The following LCORL variants were observed in gnomAD, a reference collection of about 807,000 sequenced individuals.
LCORL encodes ligand dependent nuclear receptor corepressor like, also known as ligand-dependent nuclear receptor corepressor-like protein.
In LCORL, 41 loss-of-function variants were observed where a neutral mutation model predicts 141.8. The ratio of observed to expected loss-of-function variants is 0.29; its 90% CI spans 0.23 to 0.38. The LOEUF (loss-of-function observed/expected upper bound fraction) is 0.38. Ranked by LOEUF, LCORL falls within the 10% of genes least tolerant of loss-of-function variation. The pLI is 1.00. For synonymous variants in LCORL, 618 were observed against 694.1 expected, an observed-to-expected ratio of 0.89 and a Z score of 1.72; for missense variants, 1,759 against 2,035.0, an observed-to-expected ratio of 0.86 and a Z score of 2.61.
intron 1 of LCORL, among the ~76,000 whole-genome samples, chr4:18,005,206 A>T (rs981473546): frequency 6.6e-6 from 1 of 152,190 alleles, no homozygotes; most frequent in Non-Finnish European, 1.5e-5. Context: ...GGCATGAGCC[A>T]CCACACCTGG....
At chr4:17,898,446 C>A (rs1730326089) in intron 5 of LCORL, among the ~76,000 whole-genome samples, 1 of 152,106 alleles carries the variant, frequency 6.6e-6, no homozygotes, top group Admixed American at 6.6e-5. Context: ...ATAACAAGAT[C>A]TGTTGAGAGC....
intron 1 of LCORL, among the ~76,000 whole-genome samples, chr4:17,990,348 C>T (rs1406544834): frequency 6.6e-6 from 1 of 151,750 alleles, no homozygotes; most frequent in Non-Finnish European, 1.5e-5. Flanking sequence ...ATCCACCCGC[C>T]TCGGCCTGCC....
At chr4:17,911,934 G>T in intron 4 of LCORL, 1 of 560,128 alleles carries the variant, frequency 1.8e-6, no homozygotes, top group Non-Finnish European at 3.4e-6. Flanking sequence ...TGCAAAGTCT[G>T]AATGGCCAGA....
chr4:17,993,643 A>G (rs1021718992), intron 1 of LCORL, among the ~76,000 whole-genome samples: 1 of 152,248 alleles, frequency 6.6e-6, no homozygotes, highest in African/African-American at 2.4e-5. Context: ...ATGTTTTGCC[A>G]AGGAATTAAT....
intron 4 of LCORL, chr4:17,912,756 C>A: frequency 2.4e-6 from 1 of 416,026 alleles, no homozygotes. Flanking sequence ...CAGACCCGGG[C>A]AAAGAGGCAG....
chr4:17,939,959 C>T (rs191949983), intron 4 of LCORL, among the ~76,000 whole-genome samples: 23 of 149,450 alleles, frequency 1.5e-4, no homozygotes, highest in Admixed American at 2.7e-4. Flanking sequence ...ATACTATATA[C>T]GCATATACAC....
chr4:17,994,356 G>A (rs1286129577), intron 1 of LCORL, among the ~76,000 whole-genome samples: 1 of 151,958 alleles, frequency 6.6e-6, no homozygotes, highest in Non-Finnish European at 1.5e-5. Context: ...CCCCGCACCT[G>A]CCAACACCCA....
At position 17,962,050 on chromosome 4, in the gene LCORL, CA is replaced by C. The variant is rs748844295; in HGVS notation, c.301-19del. ...ATACAATCCTAAAAGTATAAGAAAA[CA>C]ACAACATACAGAATTATTTTTTAAT... On this transcript the variant is annotated intron_variant, in intron 3 of 7. Transcript: ENST00000635767. 6.6e-7 allele frequency: 1 copy of C among 1,525,014 alleles called. No homozygotes were observed. The highest frequency in any genetic ancestry group is 8.9e-7 in the Non-Finnish European group (1 of 1,129,282). The allele number at this position is 1,525,014 out of a possible 1,614,324, so 94.5% of individuals were successfully genotyped here. A position where few individuals can be genotyped will look rare whatever the true frequency, so the allele number is the denominator to read the frequency against.
In LCORL at chr4:17,984,917, C is replaced by G. The variant is rs547765391; in HGVS notation, c.155-12032G>C. On this transcript the variant is annotated intron_variant, in intron 1 of 7. Coordinates refer to ENST00000635767, the Ensembl canonical transcript of LCORL. ...AGTGCTACAAATTTCTCTCTTAACA[C>G]TGTCTTAGTTGTGCCCCAGAGATTC... Among the ~76,000 whole-genome samples the G allele has an allele frequency of 5.9e-5, 9 of 152,224 alleles. No homozygotes were observed. In the South Asian group the frequency reaches 1.2e-3, roughly 21 times the overall value.
intron 4 of LCORL, among the ~76,000 whole-genome samples, chr4:17,932,380 T>C (rs1352006230): frequency 6.6e-6 from 1 of 152,196 alleles, no homozygotes; most frequent in Non-Finnish European, 1.5e-5. Context: ...TTTGTCTGTT[T>C]GTTAATTACC....
chr4:17,925,199 G>C (rs1263927253), intron 4 of LCORL, among the ~76,000 whole-genome samples: 1 of 152,216 alleles, frequency 6.6e-6, no homozygotes, highest in Non-Finnish European at 1.5e-5. Flanking sequence ...GGGAGTTACA[G>C]TGTTGGCTGG....
At chr4:17,891,079 A>C (rs1327749757) in intron 5 of LCORL, among the ~76,000 whole-genome samples, 1 of 152,080 alleles carries the variant, frequency 6.6e-6, no homozygotes, top group Non-Finnish European at 1.5e-5. Context: ...AATATTAGTA[A>C]CTTACATTAA....
At chr4:17,877,251 C>T (rs1257503714) in exon 7 of LCORL, 7 of 1,230,172 alleles carry the variant, frequency 5.7e-6, no homozygotes, top group East Asian at 6.3e-5. Flanking sequence ...ACTATAATCA[C>T]TGGCTTTTGC....
intron 2 of LCORL, among the ~76,000 whole-genome samples, chr4:17,964,200 G>T (rs1444984136): frequency 6.6e-6 from 1 of 152,070 alleles, no homozygotes; most frequent in Non-Finnish European, 1.5e-5. Context: ...AGCAGGGAAT[G>T]GAAATTAAGA....
At chr4:17,957,955 G>A (rs1028651643) in intron 4 of LCORL, among the ~76,000 whole-genome samples, 11 of 151,822 alleles carry the variant, frequency 7.2e-5, no homozygotes, top group Non-Finnish European at 1.3e-4. Context: ...TTAGAGAAAA[G>A]CACTCTAAAA....
Position 17,982,369 on chromosome 4 carries a change from CA to C in LCORL, c.155-9485del, listed in dbSNP as rs779856697. Among the ~76,000 whole-genome samples the C allele has an allele frequency of 6.6e-5, 10 of 152,284 alleles. 1 individual carries two copies. In the East Asian group the frequency reaches 1.9e-3, roughly 29 times the overall value. On this transcript the variant is annotated intron_variant, in intron 1 of 7. Coordinates refer to ENST00000635767, the Ensembl canonical transcript of LCORL. ...GAGGAACTGCCCACAATGCTTTCCA[CA>C]ATGGTTGAACTAATTTATCCTCCCA...
chr4:17,908,553 T>A (rs1288132381), intron 5 of LCORL, among the ~76,000 whole-genome samples: 1 of 152,180 alleles, frequency 6.6e-6, no homozygotes, highest in Non-Finnish European at 1.5e-5. Flanking sequence ...AAGTTATGGT[T>A]CTCTTTTAAT....
intron 5 of LCORL, among the ~76,000 whole-genome samples, chr4:17,899,799 T>A (rs1288871370): frequency 6.6e-6 from 1 of 152,178 alleles, no homozygotes; most frequent in Non-Finnish European, 1.5e-5. Context: ...CTTTATATCA[T>A]ATGAGTACTT....
At chr4:17,955,492 T>C (rs1279604604) in intron 4 of LCORL, among the ~76,000 whole-genome samples, 3 of 152,248 alleles carry the variant, frequency 2.0e-5, no homozygotes, top group Non-Finnish European at 4.4e-5. Context: ...CAGTTCCTCA[T>C]GGTGCTTATA....
Sources: gnomAD v4.1 joint callset for allele counts (sites outside exome capture counted in the v4.1 genomes callset) on GRCh38, gnomAD v4.1.1 for gene constraint, MANE v1.5 for transcripts, NCBI Gene and HGNC (gene_info 2026-07-23, HGNC 2026-07-21) for gene names.